CTNNA2: variants seen among roughly 807,000 people sequenced by gnomAD.
The protein encoded by CTNNA2 is catenin alpha 2.
A neutral mutation model predicts 101.0 loss-of-function variants in CTNNA2; 42 were observed. The ratio of observed to expected loss-of-function variants is 0.42; its 90% CI spans 0.32 to 0.54. CTNNA2 has a LOEUF of 0.54. Among genes scored for constraint, CTNNA2 ranks in the 20% least tolerant of loss-of-function variants. The pLI is 0.14. For missense variants in CTNNA2, 871 were observed against 1,223.1 expected (o/e 0.71, Z 4.29); for synonymous variants, 450 against 456.4 (o/e 0.99, Z 0.18).
intron 3 of CTNNA2, among the ~76,000 whole-genome samples, chr2:79,367,115 G>A (rs575304174): frequency 2.0e-5 from 3 of 152,214 alleles, no homozygotes; most frequent in Admixed American, 2.0e-4. Flanking sequence ...ATAAGAAGAG[G>A]AAGAGAGAGA....
chr2:80,525,998 C>G (rs559054204), intron 9 of CTNNA2, among the ~76,000 whole-genome samples: 2 of 152,220 alleles, frequency 1.3e-5, no homozygotes, highest in South Asian at 4.2e-4. Flanking sequence ...TTTGCACCAA[C>G]CTAATACTCT....
At chr2:79,917,084 T>TTA (rs1558639824) in intron 7 of CTNNA2, among the ~76,000 whole-genome samples, 3 of 127,864 alleles carry the variant, frequency 2.3e-5, no homozygotes, top group Non-Finnish European at 4.9e-5. Flanking sequence ...TATTTATTTA[T>TTA]TTTTTTGAGA....
intron 7 of CTNNA2, among the ~76,000 whole-genome samples, chr2:80,275,045 T>C (rs1159103787): frequency 6.6e-6 from 1 of 152,222 alleles, no homozygotes; most frequent in Admixed American, 6.5e-5. Context: ...ATAATTTAGT[T>C]TGTAAAGTTC....
chr2:80,519,801 T>C (rs947636745), intron 9 of CTNNA2, among the ~76,000 whole-genome samples: 41 of 152,288 alleles, frequency 2.7e-4, no homozygotes, highest in African/African-American at 7.7e-4. Flanking sequence ...ACTGAACTTA[T>C]TGAAATAACT....
intron 2 of CTNNA2, among the ~76,000 whole-genome samples, chr2:79,703,809 T>G (rs1685166591): frequency 6.6e-6 from 1 of 152,204 alleles, no homozygotes; most frequent in Non-Finnish European, 1.5e-5. Flanking sequence ...ATTAAAACTT[T>G]TAACATGCAG....
At chr2:79,347,747 A>G (rs568423477) in intron 3 of CTNNA2, among the ~76,000 whole-genome samples, 50 of 151,822 alleles carry the variant, frequency 3.3e-4, no homozygotes, top group Non-Finnish European at 6.5e-4. Flanking sequence ...ATACTCGGAA[A>G]AATAATTTTG....
chr2:80,123,495 G>A (rs1445272379), intron 7 of CTNNA2, among the ~76,000 whole-genome samples: 1 of 151,902 alleles, frequency 6.6e-6, no homozygotes, highest in African/African-American at 2.4e-5. Flanking sequence ...AAGGCCTGGA[G>A]ACATTAATAA....
At position 79,411,021 on chromosome 2, in the gene CTNNA2, T is replaced by A. The variant is rs576043226; in HGVS notation, c.-135+37008T>A. Among the ~76,000 whole-genome samples the A allele has an allele frequency of 5.3e-5, 8 of 152,178 alleles. No homozygotes were observed. The East Asian group carries it at 1.4e-3, about 26-fold the overall frequency. On this transcript the variant is annotated intron_variant, in intron 4 of 21. Transcript: ENST00000466387. ...CAGAGGTTTAACTTCTTCCTGGTTT[T>A]GTCTTGGGAGAGTGTACGTGTTGAG...
chr2:79,887,725 A>C (rs1683989641), intron 6 of CTNNA2, among the ~76,000 whole-genome samples: 1 of 152,214 alleles, frequency 6.6e-6, no homozygotes, highest in Admixed American at 6.5e-5. Context: ...AGTGGAGACA[A>C]ACTTTTCCAT....
At chr2:80,125,476 A>G (rs1461622151) in intron 7 of CTNNA2, among the ~76,000 whole-genome samples, 1 of 152,206 alleles carries the variant, frequency 6.6e-6, no homozygotes, top group East Asian at 1.9e-4. Context: ...TTGGCCGCCC[A>G]CATGGATGTC....
At chr2:79,428,370 A>G (rs575936718) in intron 4 of CTNNA2, among the ~76,000 whole-genome samples, 1 of 152,106 alleles carries the variant, frequency 6.6e-6, no homozygotes, top group South Asian at 2.1e-4. Flanking sequence ...ACCTGTAGGT[A>G]TTTTTCTTCT....
rs560143168 is a variant in CTNNA2, at chr2:80,035,012, G to T, written c.1056+125215G>T. 1.5e-4 allele frequency among the ~76,000 whole-genome samples: 23 copies of T among 152,240 alleles called. No homozygotes were observed. The East Asian group carries it at 4.0e-3, about 27-fold the overall frequency. ...GGCATTCTTTTAAAAATAGCAAAAGGTTAGGGAAAAATCCAGTGTCCATCA... is the reference window on the plus strand; with the variant it reads ...GGCATTCTTTTAAAAATAGCAAAAGTTTAGGGAAAAATCCAGTGTCCATCA... On this transcript the variant is annotated intron_variant, in intron 7 of 18. Coordinates refer to ENST00000402739, the MANE Select transcript of CTNNA2 (RefSeq NM_001282597.3).
At chr2:79,818,977 T>G (rs1420413491) in intron 3 of CTNNA2, among the ~76,000 whole-genome samples, 1 of 140,148 alleles carries the variant, frequency 7.1e-6, no homozygotes, top group Admixed American at 7.2e-5. Flanking sequence ...ATATTCTTTT[T>G]CTTTTTTTTT....
intron 9 of CTNNA2, among the ~76,000 whole-genome samples, chr2:80,484,028 G>A (rs1026837280): frequency 6.6e-6 from 1 of 152,084 alleles, no homozygotes; most frequent in Non-Finnish European, 1.5e-5. Flanking sequence ...TCTTTGGGCT[G>A]TCAGTTATGC....
chr2:80,485,953 A>G (rs998693149), intron 9 of CTNNA2, among the ~76,000 whole-genome samples: 11 of 151,608 alleles, frequency 7.3e-5, no homozygotes, highest in African/African-American at 2.7e-4. Flanking sequence ...TGATTTCACC[A>G]TATTTTTTTT....
At chr2:79,532,404 A>G (rs747564560) in intron 1 of CTNNA2, among the ~76,000 whole-genome samples, 2 of 152,102 alleles carry the variant, frequency 1.3e-5, no homozygotes, top group Non-Finnish European at 2.9e-5. Flanking sequence ...TTCCAAATTT[A>G]TATTATAATT....
chr2:79,736,918 C>G (rs1044799352), intron 2 of CTNNA2, among the ~76,000 whole-genome samples: 2 of 152,214 alleles, frequency 1.3e-5, no homozygotes, highest in African/African-American at 4.8e-5. Context: ...TATACTCTCA[C>G]TTTCCCAAGT....
At chr2:80,027,767 A>C (rs1398098822) in intron 7 of CTNNA2, among the ~76,000 whole-genome samples, 1 of 152,048 alleles carries the variant, frequency 6.6e-6, no homozygotes, top group Non-Finnish European at 1.5e-5. Flanking sequence ...CAGGAGTTCC[A>C]AACTAGTCTG....
intron 7 of CTNNA2, among the ~76,000 whole-genome samples, chr2:80,300,782 A>G (rs540708307): frequency 6.6e-6 from 1 of 152,226 alleles, no homozygotes; most frequent in South Asian, 2.1e-4. Flanking sequence ...TCATCTGATG[A>G]AGGAGCCCTC....
Sources: allele counts gnomAD v4.1 joint callset (sites outside exome capture counted in the v4.1 genomes callset), GRCh38; gene constraint gnomAD v4.1.1; transcripts MANE v1.5; gene names NCBI Gene and HGNC (gene_info 2026-07-23, HGNC 2026-07-21).